The following SYNDIG1L variants were observed in gnomAD, a reference collection of about 807,000 sequenced individuals.
SYNDIG1L encodes the protein synapse differentiation-inducing gene protein 1-like.
In SYNDIG1L, 13 loss-of-function variants were observed where a neutral mutation model predicts 20.1. The observed-to-expected ratio is 0.65, with a 90% CI of 0.42 to 1.03. SYNDIG1L has a LOEUF of 1.03. SYNDIG1L is among the 50% of genes least tolerant of loss of function. The pLI, the probability that SYNDIG1L is intolerant of heterozygous loss-of-function variation, is 0.00. For missense variants in SYNDIG1L, 294 were observed against 305.1 expected, an observed-to-expected ratio of 0.96 and a Z score of 0.27; for synonymous variants, 128 against 129.3, an observed-to-expected ratio of 0.99 and a Z score of 0.07.
chr14:74,467,488 C>G, the SYNDIG1L span, among the ~76,000 whole-genome samples: 2 of 152,160 alleles, frequency 1.3e-5, no homozygotes, highest in Non-Finnish European at 2.9e-5. Flanking sequence ...CCTCCACCCC[C>G]AGAGCAGCTC....
At chr14:74,468,449 C>T in the SYNDIG1L span, among the ~76,000 whole-genome samples, 14 of 152,020 alleles carry the variant, frequency 9.2e-5, no homozygotes, top group African/African-American at 2.7e-4. Flanking sequence ...CTTCCCTTTA[C>T]CTTCCTACCT....
At chr14:74,414,275 T>A (rs1386691331) in intron 1 of SYNDIG1L, among the ~76,000 whole-genome samples, 2 of 152,218 alleles carry the variant, frequency 1.3e-5, no homozygotes, top group Non-Finnish European at 2.9e-5. Context: ...TGCCTGTGTG[T>A]ACTCTGCTCC....
upstream of SYNDIG1L, among the ~76,000 whole-genome samples, chr14:74,427,630 C>T (rs1359338314): frequency 1.3e-5 from 2 of 152,190 alleles, no homozygotes; most frequent in African/African-American, 2.4e-5. Flanking sequence ...CTCTTCCTGT[C>T]TCTGCCCCAT....
the SYNDIG1L span, among the ~76,000 whole-genome samples, chr14:74,467,917 A>G: frequency 3.0e-3 from 454 of 151,988 alleles, 1 homozygote; most frequent in African/African-American, 0.01. Context: ...GCAGGACCCC[A>G]TGGCACAGCA....
At chr14:74,417,494 A>C (rs560694803) in intron 1 of SYNDIG1L, among the ~76,000 whole-genome samples, 1 of 152,368 alleles carries the variant, frequency 6.6e-6, no homozygotes, top group East Asian at 1.9e-4. Flanking sequence ...GTAAAATGGT[A>C]ACAGCTGCTA....
chr14:74,438,188 C>T, the SYNDIG1L span, among the ~76,000 whole-genome samples: 269 of 152,318 alleles, frequency 1.8e-3, 1 homozygote, highest in African/African-American at 6.1e-3. Context: ...TATGACTAGT[C>T]ATCCTAAGTG....
the SYNDIG1L span, among the ~76,000 whole-genome samples, chr14:74,467,212 C>T: frequency 6.6e-6 from 1 of 152,240 alleles, no homozygotes; most frequent in East Asian, 1.9e-4. Context: ...AGTGATCCTC[C>T]CACCTTGGCC....
the SYNDIG1L span, among the ~76,000 whole-genome samples, chr14:74,456,339 G>A: frequency 6.6e-6 from 1 of 152,182 alleles, no homozygotes; most frequent in Admixed American, 6.5e-5. Context: ...AGACCAGCCT[G>A]ACTAACACAG....
At chr14:74,474,193 G>A in the SYNDIG1L span, 1 of 152,254 alleles carries the variant, frequency 6.6e-6, no homozygotes, top group Non-Finnish European at 1.5e-5. Context: ...TTAGCTGAAA[G>A]AGGTTAAATG....
intron 1 of SYNDIG1L, among the ~76,000 whole-genome samples, chr14:74,421,127 T>G (rs944391614): frequency 1.3e-5 from 2 of 152,194 alleles, no homozygotes; most frequent in African/African-American, 4.8e-5. Context: ...TTTTTTGAAT[T>G]CATATCCTCA....
At chr14:74,477,515 T>C in the SYNDIG1L span, among the ~76,000 whole-genome samples, 1 of 151,658 alleles carries the variant, frequency 6.6e-6, no homozygotes, top group Middle Eastern at 3.4e-3. Context: ...CTGAAAGACT[T>C]TGTGTTAAAA....
At chr14:74,411,908 G>A (rs998123689) in intron 1 of SYNDIG1L, among the ~76,000 whole-genome samples, 1 of 152,228 alleles carries the variant, frequency 6.6e-6, no homozygotes, top group African/African-American at 2.4e-5. Flanking sequence ...TCCTCCCCCA[G>A]GGAGGGCACA....
At chr14:74,428,368 C>G (rs1286423528), upstream of SYNDIG1L, among the ~76,000 whole-genome samples, 1 of 152,238 alleles carries the variant, frequency 6.6e-6, no homozygotes, top group Non-Finnish European at 1.5e-5. Context: ...TGCAAAGTTT[C>G]CATTCTTTTT....
At chr14:74,479,815 A>T in the SYNDIG1L span, 1 of 292,334 alleles carries the variant, frequency 3.4e-6, no homozygotes, top group East Asian at 1.0e-4. Flanking sequence ...GACAAAAAGG[A>T]GGAAAAAGAG....
chr14:74,473,822 C>A, the SYNDIG1L span, among the ~76,000 whole-genome samples: 1 of 152,226 alleles, frequency 6.6e-6, no homozygotes, highest in African/African-American at 2.4e-5. Flanking sequence ...CAGGATGACA[C>A]AAGTGTACAG....
At chr14:74,428,225 T>G (rs2086280493), upstream of SYNDIG1L, among the ~76,000 whole-genome samples, 1 of 152,244 alleles carries the variant, frequency 6.6e-6, no homozygotes, top group Admixed American at 6.5e-5. Flanking sequence ...AAACTATAAG[T>G]GCAATCAGCA....
At chr14:74,453,824 G>A in the SYNDIG1L span, among the ~76,000 whole-genome samples, 1 of 151,924 alleles carries the variant, frequency 6.6e-6, no homozygotes, top group Admixed American at 6.6e-5. Context: ...AAATTAGCCG[G>A]GTGTGGTGGT....
At chr14:74,433,838 A>G in the SYNDIG1L span, among the ~76,000 whole-genome samples, 1 of 152,162 alleles carries the variant, frequency 6.6e-6, no homozygotes, top group Non-Finnish European at 1.5e-5. Context: ...TCAAGGCCTC[A>G]CTCTTAACCT....
chr14:74,410,953 C>T (rs1026819396), intron 1 of SYNDIG1L, among the ~76,000 whole-genome samples: 1 of 152,144 alleles, frequency 6.6e-6, no homozygotes, highest in African/African-American at 2.4e-5. Context: ...GCTTCCCTTC[C>T]TCCTTCAGCT....
Sources: gnomAD v4.1 joint callset for allele counts (sites outside exome capture counted in the v4.1 genomes callset) on GRCh38, gnomAD v4.1.1 for gene constraint, MANE v1.5 for transcripts, NCBI Gene and HGNC (gene_info 2026-07-23, HGNC 2026-07-21) for gene names.